Variants in TRIM15 observed in about 807,000 individuals in gnomAD.
TRIM15 encodes tripartite motif containing 15, also known as E3 ubiquitin-protein ligase TRIM15.
TRIM15 carries 35 observed loss-of-function variants against 35.8 expected under a neutral mutation model. The ratio of observed to expected loss-of-function variants is 0.98; its 90% CI spans 0.75 to 1.30. The LOEUF is 1.30. Ranked by LOEUF, TRIM15 falls within the 50% of genes most tolerant of loss-of-function variation. The pLI, the probability that TRIM15 is intolerant of heterozygous loss-of-function variation, is 0.00. For synonymous variants in TRIM15, 252 were observed against 249.8 expected (o/e 1.01, Z -0.08); for missense variants, 590 against 593.5 (o/e 0.99, Z 0.06).
chr6:30,168,340 T>C lies in TRIM15; in HGVS notation c.518T>C (p.Phe173Ser). The C allele has an allele frequency of 1.9e-6, 3 of 1,613,070 alleles. No individual in the cohort carries two copies. Among genetic ancestry groups the C allele is most frequent in the East Asian group, 4.5e-5 (2 of 44,884 alleles). Reference protein sequence around the residue: ...ESKKHQVETAFERLQQELEQQ... With the variant: ...ESKKHQVETASERLQQELEQQ... ...AAGAAGCATCAGGTGGAAACAGCTTTTGAGAGGCTGCAGCAGGAGCTGGAG... is the reference window on the plus strand; with the variant it reads ...AAGAAGCATCAGGTGGAAACAGCTTCTGAGAGGCTGCAGCAGGAGCTGGAG... Residue 173 changes from phenylalanine (F) to serine (S), a missense_variant, in exon 3 of 7, where the codon TTT (phenylalanine) becomes TCT (serine). By Grantham distance (155) the Phe-to-Ser change is radical (BLOSUM62 -2). Transcript: ENST00000376694.
intron 4 of TRIM15, 116 bp from the exon 5 acceptor site, chr6:30,170,385 C>G (rs1029239): frequency 0.46 from 283,445 of 622,646 alleles, 66,323 homozygotes; most frequent in South Asian, 0.6. Flanking sequence ...TACTCAATTT[C>G]ATTATTCACC....
At position 30,170,630 on chromosome 6, in the gene TRIM15, C is replaced by A; in HGVS notation, c.847+14C>A. 6.3e-7 allele frequency: 1 copy of A among 1,598,134 alleles called. No homozygotes were observed. Among genetic ancestry groups the A allele is most frequent in the Non-Finnish European group, 8.6e-7 (1 of 1,167,174 alleles). On this transcript the variant is annotated intron_variant, in intron 5 of 6. Coordinates refer to ENST00000376694, the MANE Select transcript of TRIM15 (RefSeq NM_033229.3). ...GGATGTTCTCAGGTAAAGGGGAAGG[C>A]GCCACAGTTTTCCCCAGTCCCATTA...
In TRIM15 at chr6:30,168,444, A is replaced by G. The variant is rs1205747650; in HGVS notation, c.622A>G (p.Lys208Glu). 6.2e-7 allele frequency: 1 copy of G among 1,612,442 alleles called. No individual in the cohort carries two copies. The highest frequency in any genetic ancestry group is 1.1e-5 in the South Asian group (1 of 90,924). ...GAAGGAGAGGGATGAATATATCACA[A>G]AGGTCTCTGAGGAAGTCACCCGGCT... The part of the protein sequence containing the change: ...IWKERDEYIT[K>E]VSEEVTRLGA... Residue 208 changes from lysine to glutamate, a missense_variant, in exon 3 of 7, where the codon AAG becomes GAG. Physicochemically the swap from Lys to Glu is moderately conservative, Grantham distance 56. Coordinates refer to ENST00000376694, the MANE Select transcript of TRIM15 (RefSeq NM_033229.3).
At chr6:30,171,287 C>CAT (rs1008203709) in intron 6 of TRIM15, among the ~76,000 whole-genome samples, 74 of 152,318 alleles carry the variant, frequency 4.9e-4, no homozygotes, top group African/African-American at 1.6e-3. Flanking sequence ...TTACCTGACT[C>CAT]ATAGTAAGTG....
At chr6:30,166,890 A>T (rs1297344296) in intron 1 of TRIM15, among the ~76,000 whole-genome samples, 1 of 152,204 alleles carries the variant, frequency 6.6e-6, no homozygotes, top group Non-Finnish European at 1.5e-5. Context: ...GGCACATTGT[A>T]AATGTTTTCT....
rs570900960 is a variant in TRIM15 at position 30,172,589 on chromosome 6, C to T, written c.*240C>T. ...GTACCTCAGAGTGCAGAACCACAGA[C>T]GGCTTCGGCTGTGCCTAGGGCAACA... is the stretch of plus-strand genomic sequence containing the variant. On this transcript the variant is annotated 3_prime_UTR_variant, in exon 7 of 7. Transcript: ENST00000376694. 135 of 726,940 alleles carry T rather than the reference C, an allele frequency of 1.9e-4. No individual in the cohort carries two copies. The highest frequency in any genetic ancestry group is 1.6e-3 in the African/African-American group (92 of 57,690). 45.0% of individuals were successfully genotyped at this position (726,940 alleles called of 1,614,324 possible).
chr6:30,165,338 G>A (rs1208201980), intron 1 of TRIM15, among the ~76,000 whole-genome samples: 1 of 152,138 alleles, frequency 6.6e-6, no homozygotes, highest in Non-Finnish European at 1.5e-5. Flanking sequence ...CCACTTATGA[G>A]TAAGAACATG....
chr6:30,170,692 C>G, intron 5 of TRIM15, 76 bp downstream of exon 5: 1 of 1,220,040 alleles, frequency 8.2e-7, no homozygotes. Context: ...CCATCCTTCT[C>G]TGCCCTTGAA....
intron 3 of TRIM15, 65 bp from the exon 4 acceptor site, chr6:30,169,176 G>T: frequency 6.3e-7 from 1 of 1,595,396 alleles, no homozygotes; most frequent in African/African-American, 1.3e-5. Flanking sequence ...GAAAAGTGAT[G>T]TACAGAATCC....
Position 30,171,909 on chromosome 6 carries a change from C to T in TRIM15, c.958C>T (p.Arg320Trp), listed in dbSNP as rs1246495260. The change falls in exon 7 of 7, where the codon CGG becomes TGG. Residue 320 changes from arginine to tryptophan, a missense_variant. By Grantham distance (101) the Arg-to-Trp change is moderately radical (BLOSUM62 -3). Coordinates refer to ENST00000376694, the MANE Select transcript of TRIM15 (RefSeq NM_033229.3). ...SEDRKSVRYT[R>W]QKKSLPDSPL... ...AGACAGGAAGTCAGTGAGGTACACC[C>T]GGCAGAAGAAGAGCCTGCCAGACAG... 2.5e-6 allele frequency: 4 copies of T among 1,600,784 alleles called. No homozygotes were observed. The highest frequency in any genetic ancestry group is 2.2e-5 in the South Asian group (2 of 89,214).
At chr6:30,168,988 T>C (rs1218370974) in intron 3 of TRIM15, among the ~76,000 whole-genome samples, 1 of 152,066 alleles carries the variant, frequency 6.6e-6, no homozygotes, top group Non-Finnish European at 1.5e-5. Flanking sequence ...CACCTCCTAA[T>C]CATTGCAGAC....
chr6:30,165,935 C>G (rs1773562940), intron 1 of TRIM15, among the ~76,000 whole-genome samples: 1 of 152,204 alleles, frequency 6.6e-6, no homozygotes, highest in African/African-American at 2.4e-5. Flanking sequence ...CCTTCACCTA[C>G]TTTTTGATGG....
chr6:30,172,232 C>T lies in TRIM15; in HGVS notation c.1281C>T (p.Thr427=). ...TGGACTACGAGGCGGGGCAGGTGACCCTCCACAACGCCCAGACCCAGGAGC... is the reference window on the plus strand; with the variant it reads ...TGGACTACGAGGCGGGGCAGGTGACTCTCCACAACGCCCAGACCCAGGAGC... ...VALDYEAGQV[T]LHNAQTQEPI... is the part of the protein sequence containing the mutation. The change falls in exon 7 of 7, where the codon ACC becomes ACT. Residue 427 remains threonine, a synonymous_variant. Coordinates refer to ENST00000376694, the MANE Select transcript of TRIM15 (RefSeq NM_033229.3). 6.2e-7 allele frequency: 1 copy of T among 1,612,442 alleles called. No individual in the cohort carries two copies. The highest frequency in any genetic ancestry group is 8.5e-7 in the Non-Finnish European group (1 of 1,179,804).
rs1343577314 is a variant in TRIM15 at position 30,167,160 on chromosome 6, A to G, written c.382-16A>G. On this transcript the variant is annotated splice_polypyrimidine_tract_variant and intron_variant, in intron 1 of 6. Coordinates refer to ENST00000376694, the MANE Select transcript of TRIM15 (RefSeq NM_033229.3). ...TTAATTCAGTCACCTCTATCCACCCATTCTTCTCCCCACAGGATCGTCTCA... is the reference window on the plus strand; with the variant it reads ...TTAATTCAGTCACCTCTATCCACCCGTTCTTCTCCCCACAGGATCGTCTCA... The G allele has an allele frequency of 3.1e-6, 5 of 1,606,780 alleles. No homozygotes were observed. The highest frequency in any genetic ancestry group is 1.1e-5 in the South Asian group (1 of 90,914).
At position 30,163,956 on chromosome 6, in the gene TRIM15, ACTT is replaced by A. The variant is rs769302854; in HGVS notation, c.278_280del (p.Phe93del). 4.5e-5 allele frequency: 73 copies of A among 1,612,948 alleles called. No individual in the cohort carries two copies. The highest frequency in any genetic ancestry group is 5.4e-5 in the Non-Finnish European group (64 of 1,180,038). On this transcript the variant is annotated inframe_deletion, in exon 1 of 7. Transcript: ENST00000376694. Reference sequence around the variant, plus strand: ...TGCGAGGAGCACGGCGAGAAGATCTACTTCTTCTGCGAGAACGATGCCGAGTTC... The same window carrying A: ...TGCGAGGAGCACGGCGAGAAGATCTACTTCTGCGAGAACGATGCCGAGTTC...
rs928368398 is a variant in TRIM15, at chr6:30,168,629, T to G, written c.708+99T>G. 8 of 1,160,014 alleles carry G rather than the reference T, an allele frequency of 6.9e-6. No individual in the cohort carries two copies. The African/African-American group carries it at 1.1e-4, about 15-fold the overall frequency. The allele number at this position is 1,160,014 out of a possible 1,614,324, so 71.9% of individuals were successfully genotyped here. A position where few individuals can be genotyped will look rare whatever the true frequency, so the allele number is the denominator to read the frequency against. On this transcript the variant is annotated intron_variant, in intron 3 of 6. Coordinates refer to ENST00000376694, the MANE Select transcript of TRIM15 (RefSeq NM_033229.3). ...GCTGGAGAGAGGCAGGAAAGGGAAG[T>G]GGAGAGAGGTTAACGGGGTGCAGAT...
rs113942323 is a variant in TRIM15, at chr6:30,170,545, A to G, written c.776A>G (p.Asp259Gly). 7 of 1,613,978 alleles carry G rather than the reference A, an allele frequency of 4.3e-6. No homozygotes were observed. The African/African-American group carries it at 9.3e-5, about 22-fold the overall frequency. ...TFVSPEAISP[D>G]LVKKIRDFHR... ...GTGAGTCCTGAGGCCATTTCTCCTG[A>G]CCTTGTCAAGAAGATCCGTGATTTC... Residue 259 changes from aspartate to glycine, a missense_variant, in exon 5 of 7, where the codon GAC becomes GGC. Asp to Gly is a moderately conservative substitution (Grantham distance 94). Coordinates refer to ENST00000376694, the MANE Select transcript of TRIM15 (RefSeq NM_033229.3).
Position 30,172,463 on chromosome 6 carries a change from A to G in TRIM15, c.*114A>G. 1 of 1,430,928 alleles carries G rather than the reference A, an allele frequency of 7.0e-7. No homozygotes were observed. The highest frequency in any genetic ancestry group is 9.4e-7 in the Non-Finnish European group (1 of 1,059,686). 88.6% of individuals were successfully genotyped at this position (1,430,928 alleles called of 1,614,324 possible). Reference sequence around the variant, plus strand: ...CTGTGCCCGCGTGAGGCGAGAGAACAGGGGACTTGAGTCTCGAACAGCGGT... The same window carrying G: ...CTGTGCCCGCGTGAGGCGAGAGAACGGGGGACTTGAGTCTCGAACAGCGGT... On this transcript the variant is annotated 3_prime_UTR_variant, in exon 7 of 7. Transcript: ENST00000376694.
At chr6:30,166,130 G>A (rs1220632589) in intron 1 of TRIM15, among the ~76,000 whole-genome samples, 1 of 152,142 alleles carries the variant, frequency 6.6e-6, no homozygotes, top group Non-Finnish European at 1.5e-5. Context: ...TGTCAATTTA[G>A]GCTTTTGTTG....
Sources: gnomAD v4.1 joint callset for allele counts (sites outside exome capture counted in the v4.1 genomes callset) on GRCh38, gnomAD v4.1.1 for gene constraint, MANE v1.5 for transcripts, NCBI Gene and HGNC (gene_info 2026-07-23, HGNC 2026-07-21) for gene names.